The following CNTN6 variants were observed in gnomAD, a reference collection of about 807,000 sequenced individuals.
CNTN6 encodes contactin 6.
A neutral mutation model predicts 122.8 loss-of-function variants in CNTN6; 137 were observed. The observed-to-expected ratio is 1.12, with a 90% CI of 0.97 to 1.29. The LOEUF (loss-of-function observed/expected upper bound fraction) is 1.29, where lower values mean the gene tolerates loss of function less well. Among genes scored for constraint, CNTN6 ranks in the 50% most tolerant of loss-of-function variants. The pLI, the probability that CNTN6 is intolerant of heterozygous loss-of-function variation, is 0.00. For missense variants in CNTN6, 1,634 were observed against 1,223.4 expected, an observed-to-expected ratio of 1.34 and a Z score of -5.01; for synonymous variants, 570 against 426.0, an observed-to-expected ratio of 1.34 and a Z score of -4.16.
At chr3:1,401,001 T>C (rs1006592559) in intron 20 of CNTN6, among the ~76,000 whole-genome samples, 4 of 152,146 alleles carry the variant, frequency 2.6e-5, no homozygotes, top group Non-Finnish European at 4.4e-5. Context: ...AGCTAACTAA[T>C]ACAATGTTAA....
At chr3:1,235,484 A>C (rs1474391042) in intron 4 of CNTN6, among the ~76,000 whole-genome samples, 2 of 151,510 alleles carry the variant, frequency 1.3e-5, no homozygotes, top group Admixed American at 6.6e-5. Flanking sequence ...AGCATTTATA[A>C]GTAATAATGT....
At chr3:1,253,074 C>G (rs6789524) in intron 4 of CNTN6, among the ~76,000 whole-genome samples, 7,992 of 152,200 alleles carry the variant, frequency 0.053, 274 homozygotes, top group African/African-American at 0.078. Flanking sequence ...AGTTAATTTA[C>G]TTCAATCATC....
At chr3:1,146,910 C>A (rs1298658621) in intron 1 of CNTN6, among the ~76,000 whole-genome samples, 1 of 151,790 alleles carries the variant, frequency 6.6e-6, no homozygotes, top group African/African-American at 2.4e-5. Context: ...CTATGTTGAC[C>A]CCTGAATATT....
intron 11 of CNTN6, among the ~76,000 whole-genome samples, chr3:1,351,812 A>G (rs1021910041): frequency 2.0e-5 from 3 of 151,850 alleles, no homozygotes; most frequent in African/African-American, 7.2e-5. Flanking sequence ...AACCATATAG[A>G]TAGTTTCTTC....
At chr3:1,340,264 A>G (rs546266878) in intron 11 of CNTN6, among the ~76,000 whole-genome samples, 112 of 152,216 alleles carry the variant, frequency 7.4e-4, no homozygotes, top group African/African-American at 2.5e-3. Context: ...TAATATACAC[A>G]TTTTTTTGTT....
chr3:1,200,342 A>AT (rs1343199984), intron 2 of CNTN6, among the ~76,000 whole-genome samples: 1 of 152,132 alleles, frequency 6.6e-6, no homozygotes, highest in Non-Finnish European at 1.5e-5. Context: ...CTCAGCATGT[A>AT]TTTTTAATTC....
chr3:1,331,529 C>T (rs949875838), intron 11 of CNTN6, among the ~76,000 whole-genome samples: 3 of 151,914 alleles, frequency 2.0e-5, no homozygotes, highest in Non-Finnish European at 2.9e-5. Flanking sequence ...AGGAGATTTG[C>T]TCCCAACAGA....
At chr3:1,303,996 C>T (rs1697895362) in intron 7 of CNTN6, among the ~76,000 whole-genome samples, 1 of 152,190 alleles carries the variant, frequency 6.6e-6, no homozygotes, top group South Asian at 2.1e-4. Flanking sequence ...TGCCCAGCCT[C>T]ATGTGACACT....
chr3:1,150,038 T>C (rs2092804950), intron 2 of CNTN6, among the ~76,000 whole-genome samples: 3 of 150,036 alleles, frequency 2.0e-5, no homozygotes, highest in Admixed American at 1.3e-4. Context: ...AATTTCATTG[T>C]GAAAGAACAG....
chr3:1,372,840 A>T lies in CNTN6; in HGVS notation c.1671A>T (p.Glu557Asp). 1 of 1,577,074 alleles carries T rather than the reference A, an allele frequency of 6.3e-7. No homozygotes were observed. The highest frequency in any genetic ancestry group is 2.3e-5 in the East Asian group (1 of 44,442). ...GVAHFERIGG[E>D]SVGDLMIRNI... ...CATTTCTCCCTTTCTGTCTGCAGGA[A>T]TCTGTTGGGGATTTGATGATAAGGA... Residue 557 changes from glutamate (E) to aspartate (D), a missense_variant and splice_region_variant, in exon 14 of 23, where the codon GAA becomes GAT. By Grantham distance (45) the Glu-to-Asp change is conservative. Coordinates refer to ENST00000446702, the MANE Select transcript of CNTN6 (RefSeq NM_001289080.2).
At chr3:1,155,133 T>C (rs1037907191) in intron 2 of CNTN6, among the ~76,000 whole-genome samples, 1 of 152,192 alleles carries the variant, frequency 6.6e-6, no homozygotes, top group African/African-American at 2.4e-5. Flanking sequence ...CAACCTTTTT[T>C]ACTGTTTTCA....
intron 1 of CNTN6, among the ~76,000 whole-genome samples, chr3:1,138,491 T>C (rs75860218): frequency 0.021 from 3,138 of 152,240 alleles, 123 homozygotes; most frequent in African/African-American, 0.071. Context: ...TCTTTATTTA[T>C]TTACTGTTTT....
At chr3:1,182,148 T>C (rs1003960275) in intron 2 of CNTN6, among the ~76,000 whole-genome samples, 7 of 152,194 alleles carry the variant, frequency 4.6e-5, no homozygotes, top group African/African-American at 1.7e-4. Flanking sequence ...TTTCAGCTAC[T>C]CTTCTAAACA....
chr3:1,259,769 A>G (rs12489745), intron 4 of CNTN6, among the ~76,000 whole-genome samples: 20,492 of 152,138 alleles, frequency 0.13, 1,635 homozygotes, highest in African/African-American at 0.22. Flanking sequence ...AATTATTTTG[A>G]GAATCTATTA....
chr3:1,249,826 C>T (rs1366044561), intron 4 of CNTN6, among the ~76,000 whole-genome samples: 1 of 152,120 alleles, frequency 6.6e-6, no homozygotes, highest in South Asian at 2.1e-4. Context: ...ATTATTTCAT[C>T]CATTTTTAAG....
At position 1,181,112 on chromosome 3, in the gene CNTN6, C is replaced by CT. The variant is rs200132867; in HGVS notation, c.55+33055dup. On this transcript the variant is annotated intron_variant, in intron 2 of 22. Coordinates refer to ENST00000446702, the MANE Select transcript of CNTN6 (RefSeq NM_001289080.2). The stretch of plus-strand genomic sequence containing the variant: ...CAACAGTCCCTGCCTAGTGTATGAC[C>CT]TTTTTTCCCCTTTGATCTTGGCATC... Among the ~76,000 whole-genome samples the CT allele has an allele frequency of 6.1e-3, 924 of 152,140 alleles. 5 individuals are homozygous for CT. Among genetic ancestry groups the CT allele is most frequent in the African/African-American group, 0.021 (878 of 41,490 alleles).
chr3:1,392,468 G>C (rs1218984304), intron 20 of CNTN6, among the ~76,000 whole-genome samples: 1 of 152,020 alleles, frequency 6.6e-6, no homozygotes, highest in Admixed American at 6.6e-5. Flanking sequence ...AGAAAACCTA[G>C]GCATTACCAT....
Position 1,298,009 on chromosome 3 carries a change from GT to G in CNTN6, c.761+23del, listed in dbSNP as rs869080337. On this transcript the variant is annotated intron_variant, in intron 7 of 22. Coordinates refer to ENST00000446702, the MANE Select transcript of CNTN6 (RefSeq NM_001289080.2). ...CTTGGAAAGTAAGGTTTTTGTTTTT[GT>G]TTTTGTTTTCCTGGTTGCATTAATT... The G allele has an allele frequency of 2.6e-6, 4 of 1,556,304 alleles. No individual in the cohort carries two copies. Among genetic ancestry groups the G allele is most frequent in the Non-Finnish European group, 2.6e-6 (3 of 1,145,942 alleles).
intron 1 of CNTN6, among the ~76,000 whole-genome samples, chr3:1,096,905 C>A (rs573935532): frequency 1.3e-5 from 2 of 152,272 alleles, no homozygotes; most frequent in East Asian, 3.9e-4. Flanking sequence ...TGCACCACGA[C>A]CACTGCCACC....
Sources: gnomAD v4.1 joint callset for allele counts (sites outside exome capture counted in the v4.1 genomes callset) on GRCh38, gnomAD v4.1.1 for gene constraint, MANE v1.5 for transcripts, NCBI Gene and HGNC (gene_info 2026-07-23, HGNC 2026-07-21) for gene names.